The following LAMB2 variants were observed in gnomAD, a reference collection of about 807,000 sequenced individuals.
The protein encoded by LAMB2 is laminin subunit beta 2.
In LAMB2, 119 loss-of-function variants were observed where a neutral mutation model predicts 202.7. The observed-to-expected ratio is 0.59, with a 90% CI of 0.51 to 0.68. The LOEUF (loss-of-function observed/expected upper bound fraction) is 0.68. Among genes scored for constraint, LAMB2 ranks in the 30% least tolerant of loss-of-function variants. LAMB2 has a pLI of 0.00. For synonymous variants in LAMB2, 818 were observed against 902.2 expected (o/e 0.91, Z 1.67); for missense variants, 2,124 against 2,410.6 (o/e 0.88, Z 2.49).
rs1201770527 is a variant in LAMB2 at position 49,132,645 on chromosome 3, G to T, written c.95C>A (p.Ala32Glu). Reference sequence around the variant, plus strand: ...AGGCACATCCGGGGCAGGGGCCTGTGCCAGTGTGGCAGCCAGCACTGGGGA... The same window carrying T: ...AGGCACATCCGGGGCAGGGGCCTGTTCCAGTGTGGCAGCCAGCACTGGGGA... ...LLLSVLAATL[A>E]QAPAPDVPGC... Residue 32 changes from alanine (A) to glutamate (E), a missense_variant, in exon 2 of 32, where the codon GCA becomes GAA. Transcript: ENST00000305544. This position sits in a 1 kb window ranked among gnomAD's most constrained non-coding sequence, Gnocchi z 4.6. 1 of 1,614,098 alleles carries T rather than the reference G, an allele frequency of 6.2e-7. No individual in the cohort carries two copies. The highest frequency in any genetic ancestry group is 1.3e-5 in the African/African-American group (1 of 75,068).
chr3:49,132,522 G>C lies in LAMB2; in HGVS notation c.218C>G (p.Pro73Arg), dbSNP rs1131780. The part of the protein sequence containing the change: ...TASSTCGLNG[P>R]QPYCIVSHLQ... The stretch of plus-strand genomic sequence containing the variant: ...GTGACTGACGATGCAGTAGGGCTGG[G>C]GGCCATTCAGGCCACAAGTGGATGA... Residue 73 changes from proline to arginine, a missense_variant, in exon 2 of 32, where the codon CCC (proline) becomes CGC (arginine). By Grantham distance (103) the Pro-to-Arg change is moderately radical. Coordinates refer to ENST00000305544, the MANE Select transcript of LAMB2 (RefSeq NM_002292.4). The surrounding 1 kb of genome is among the most constrained non-coding windows in gnomAD (Gnocchi z 4.6). 6.2e-7 allele frequency: 1 copy of C among 1,613,764 alleles called. No homozygotes were observed. Among genetic ancestry groups the C allele is most frequent in the East Asian group, 2.2e-5 (1 of 44,890 alleles).
At chr3:49,127,117 C>T (rs2045424115) in intron 15 of LAMB2, among the ~76,000 whole-genome samples, 1 of 152,174 alleles carries the variant, frequency 6.6e-6, no homozygotes, top group Admixed American at 6.5e-5. Flanking sequence ...TCCCAAGCAG[C>T]TGGAACCACA....
In LAMB2 at chr3:49,131,646, G is replaced by A; in HGVS notation, c.537C>T (p.Ser179=). 6.2e-7 allele frequency: 1 copy of A among 1,613,784 alleles called. No individual in the cohort carries two copies. Among genetic ancestry groups the A allele is most frequent in the Middle Eastern group, 1.6e-4 (1 of 6,062 alleles). Residue 179 remains serine (S), a synonymous_variant, in exon 5 of 32, where the codon TCC becomes TCT. Transcript: ENST00000305544. The surrounding 1 kb of genome is among the most constrained non-coding windows in gnomAD (Gnocchi z 5.0). ...GRTWHVYRYF[S]YDCGADFPGV... ...CTGGGAAGTCAGCCCCACAGTCATA[G>A]GAGAAATATCGGTACACATGCCAGG...
At position 49,130,881 on chromosome 3, in the gene LAMB2, G is replaced by A. The variant is rs1297499020; in HGVS notation, c.916-21C>T. On this transcript the variant is annotated intron_variant, in intron 7 of 31. Transcript: ENST00000305544. The surrounding 1 kb of genome is among the most constrained non-coding windows in gnomAD (Gnocchi z 5.0). ...TGCACCTATAGAGGTTGGCAGGTAG[G>A]TTGTCAGCACTGCTCAGCCATGTCC... is the stretch of plus-strand genomic sequence containing the variant. 3 of 1,614,174 alleles carry A rather than the reference G, an allele frequency of 1.9e-6. No individual in the cohort carries two copies. Among genetic ancestry groups the A allele is most frequent in the East Asian group, 4.5e-5 (2 of 44,886 alleles).
At position 49,130,681 on chromosome 3, in the gene LAMB2, A is replaced by G. The variant is rs1020632704; in HGVS notation, c.1036+59T>C. ...GCTTGACCAACTAGCTCTAGGTTCT[A>G]CCCAGGGCACAGCCAGGCTGCAGAG... On this transcript the variant is annotated intron_variant, in intron 8 of 31. Transcript: ENST00000305544. The surrounding 1 kb of genome is among the most constrained non-coding windows in gnomAD (Gnocchi z 5.0). The G allele has an allele frequency of 6.8e-6, 11 of 1,609,854 alleles. No individual in the cohort carries two copies. Among genetic ancestry groups the G allele is most frequent in the Admixed American group, 5.0e-5 (3 of 59,996 alleles).
chr3:49,125,536 G>C, intron 18 of LAMB2, 52 bp from the exon 19 acceptor site: 1 of 1,437,420 alleles, frequency 7.0e-7, no homozygotes, highest in Non-Finnish European at 9.6e-7. Flanking sequence ...TCTGAGGGGA[G>C]TGTGGGTGGG....
Position 49,129,300 on chromosome 3 carries a change from C to T in LAMB2, c.1543G>A (p.Asp515Asn), listed in dbSNP as rs1255092475. 9 of 1,613,208 alleles carry T rather than the reference C, an allele frequency of 5.6e-6. No homozygotes were observed. The highest frequency in any genetic ancestry group is 3.3e-5 in the Admixed American group (2 of 59,996). ...TCACAGGGGCGGCAGCCGAGCAGGT[C>T]GTGGCTCAGGCCCCAGTGGCCAGGC... is the stretch of plus-strand genomic sequence containing the variant. ...CLPGHWGLSHDLLGCRPCDCD... is the reference protein window; with the variant it reads ...CLPGHWGLSHNLLGCRPCDCD... Residue 515 changes from aspartate to asparagine, a missense_variant, in exon 12 of 32, where the codon GAC becomes AAC. This residue lies in a region of LAMB2 where 1,702 missense variants were observed against 1,896.3 expected (regional missense o/e 0.90). Transcript: ENST00000305544. The surrounding 1 kb of genome is among the most constrained non-coding windows in gnomAD (Gnocchi z 6.1).
At position 49,124,919 on chromosome 3, in the gene LAMB2, C is replaced by T. The variant is rs774551290; in HGVS notation, c.2891G>A (p.Arg964Gln). The change falls in exon 21 of 32, where the codon CGA becomes CAA. Residue 964 changes from arginine to glutamine, a missense_variant. Arg to Gln is a conservative substitution (Grantham distance 43). Around this residue, in one of 3 missense-constraint regions of LAMB2, gnomAD observed 1,702 missense variants for 1,896.3 expected, o/e 0.90. Coordinates refer to ENST00000305544, the MANE Select transcript of LAMB2 (RefSeq NM_002292.4). Reference sequence around the variant, plus strand: ...GTGCCCAGGGGCACAAGCTTCACATCGCAGCCCTGCCCACGGTTAAGAGGA... The same window carrying T: ...GTGCCCAGGGGCACAAGCTTCACATTGCAGCCCTGCCCACGGTTAAGAGGA... Reference protein sequence around the residue: ...CHCRAGYTGLRCEACAPGHFG... With the variant: ...CHCRAGYTGLQCEACAPGHFG... 1.4e-5 allele frequency: 22 copies of T among 1,613,920 alleles called. No individual in the cohort carries two copies. In the Admixed American group the frequency reaches 2.0e-4, roughly 15 times the overall value.
At position 49,121,188 on chromosome 3, in the gene LAMB2, G is replaced by A. The variant is rs2045211628; in HGVS notation, c.*38C>T. On this transcript the variant is annotated 3_prime_UTR_variant, in exon 32 of 32. Transcript: ENST00000305544. ...CAGTGCATAGGCAGACATGCATGTGGGGCAGTGCTAGGAACTGGGGTAGGC... is the reference window on the plus strand; with the variant it reads ...CAGTGCATAGGCAGACATGCATGTGAGGCAGTGCTAGGAACTGGGGTAGGC... 2 of 1,611,094 alleles carry A rather than the reference G, an allele frequency of 1.2e-6. No individual in the cohort carries two copies. The highest frequency in any genetic ancestry group is 8.5e-7 in the Non-Finnish European group (1 of 1,179,394).
rs1257809372 is a variant in LAMB2, at chr3:49,129,809, A to T, written c.1405+30T>A. ...AGTAAGAGGACAGGGGTTAAAGGTCAGCATAGAAGTTAGGGCAGGAGACAC... is the reference window on the plus strand; with the variant it reads ...AGTAAGAGGACAGGGGTTAAAGGTCTGCATAGAAGTTAGGGCAGGAGACAC... On this transcript the variant is annotated intron_variant, in intron 10 of 31. Coordinates refer to ENST00000305544, the MANE Select transcript of LAMB2 (RefSeq NM_002292.4). The surrounding 1 kb of genome is among the most constrained non-coding windows in gnomAD (Gnocchi z 6.1). 1 of 1,613,468 alleles carries T rather than the reference A, an allele frequency of 6.2e-7. No individual in the cohort carries two copies.
rs138929892 is a variant in LAMB2, at chr3:49,131,511, C to T, written c.648+24G>A. 1 of 1,613,990 alleles carries T rather than the reference C, an allele frequency of 6.2e-7. No homozygotes were observed. Among genetic ancestry groups the T allele is most frequent in the Non-Finnish European group, 8.5e-7 (1 of 1,179,976 alleles). Reference sequence around the variant, plus strand: ...GGCCCATCATCCCCAGCTTCCAGCCCCCAGCCCAGATGCCAGCCCTCACCT... The same window carrying T: ...GGCCCATCATCCCCAGCTTCCAGCCTCCAGCCCAGATGCCAGCCCTCACCT... On this transcript the variant is annotated intron_variant, in intron 5 of 31. Transcript: ENST00000305544. This position sits in a 1 kb window ranked among gnomAD's most constrained non-coding sequence, Gnocchi z 5.0.
chr3:49,124,752 C>T lies in LAMB2; in HGVS notation c.3058G>A (p.Ala1020Thr). 1 of 1,614,218 alleles carries T rather than the reference C, an allele frequency of 6.2e-7. No individual in the cohort carries two copies. The highest frequency in any genetic ancestry group is 2.2e-5 in the East Asian group (1 of 44,882). ...CLHHTEGPHC[A>T]HCKPGFHGQA... ...CCATGGAAGCCAGGCTTGCAGTGGG[C>T]ACAGTGTGGACCCTCTGTGTGGTGT... The change falls in exon 21 of 32, where the codon GCC becomes ACC. Residue 1020 changes from alanine (A) to threonine (T), a missense_variant. Ala to Thr is a moderately conservative substitution (Grantham distance 58). Around this residue, in one of 3 missense-constraint regions of LAMB2, gnomAD observed 1,702 missense variants for 1,896.3 expected, o/e 0.90. Transcript: ENST00000305544.
At chr3:49,128,314 C>CA in intron 15 of LAMB2, 144 bp downstream of exon 15, 1 of 1,091,442 alleles carries the variant, frequency 9.2e-7, no homozygotes, top group East Asian at 2.6e-5. Flanking sequence ...CCATGCCCAA[C>CA]AGGGCCTGGC....
At position 49,131,017 on chromosome 3, in the gene LAMB2, C is replaced by G. The variant is rs1227280543; in HGVS notation, c.848G>C (p.Cys283Ser). Residue 283 changes from cysteine to serine, a missense_variant, in exon 7 of 32, where the codon TGC (cysteine) becomes TCC (serine). Cys to Ser is a moderately radical substitution (Grantham distance 112, BLOSUM62 -1). Transcript: ENST00000305544. The surrounding 1 kb of genome is among the most constrained non-coding windows in gnomAD (Gnocchi z 5.0). ...CTCTGAGGCGTGTCCGTAGCAGAAG[C>G]AGTTGCCACGTACAACCAGCTCATA... Reference protein sequence around the residue: ...ALYELVVRGNCFCYGHASECA... With the variant: ...ALYELVVRGNSFCYGHASECA... 6 of 1,614,014 alleles carry G rather than the reference C, an allele frequency of 3.7e-6. No homozygotes were observed. Among genetic ancestry groups the G allele is most frequent in the Non-Finnish European group, 5.1e-6 (6 of 1,180,028 alleles).
Position 49,131,169 on chromosome 3 carries a change from G to T in LAMB2, c.713-17C>A. 1 of 1,611,772 alleles carries T rather than the reference G, an allele frequency of 6.2e-7. No individual in the cohort carries two copies. The highest frequency in any genetic ancestry group is 8.5e-7 in the Non-Finnish European group (1 of 1,179,062). The stretch of plus-strand genomic sequence containing the variant: ...TCAACAGGTCTGAGGCGGGGGAAGG[G>T]GGGCCAACTGACCAGGCAGGCCCTT... On this transcript the variant is annotated splice_polypyrimidine_tract_variant and intron_variant, in intron 6 of 31. Transcript: ENST00000305544. The surrounding 1 kb of genome is among the most constrained non-coding windows in gnomAD (Gnocchi z 5.0).
Position 49,128,752 on chromosome 3 carries a change from A to C in LAMB2, c.1799T>G (p.Val600Gly), listed in dbSNP as rs1231217243. 1 of 1,614,150 alleles carries C rather than the reference A, an allele frequency of 6.2e-7. No homozygotes were observed. The highest frequency in any genetic ancestry group is 8.5e-7 in the Non-Finnish European group (1 of 1,180,034). ...CAGGGTCTGACCTTCCTGTAGCCGC[A>C]CGAAGCCTGAGCCAGTCCAGGATGG... Reference protein sequence around the residue: ...ETPSWTGSGFVRLQEGQTLEF... With the variant: ...ETPSWTGSGFGRLQEGQTLEF... The change falls in exon 14 of 32, where the codon GTG becomes GGG. Residue 600 changes from valine (V) to glycine (G), a missense_variant. Coordinates refer to ENST00000305544, the MANE Select transcript of LAMB2 (RefSeq NM_002292.4).
At chr3:49,127,871 C>A (rs9813135) in intron 15 of LAMB2, among the ~76,000 whole-genome samples, 3,439 of 150,768 alleles carry the variant, frequency 0.023, 142 homozygotes, top group African/African-American at 0.078. Context: ...ATACAAAAAA[C>A]TAGCTGGGCG....
intron 27 of LAMB2, 44 bp downstream of exon 27, chr3:49,122,660 C>T (rs2045347429): frequency 2.6e-6 from 4 of 1,534,756 alleles, no homozygotes; most frequent in South Asian, 1.1e-5. Flanking sequence ...CCGGGAGTTG[C>T]CAAAGGGGAC....
chr3:49,132,837 C>T lies in LAMB2; in HGVS notation c.31G>A (p.Gly11Arg), dbSNP rs148776956. The change falls in exon 1 of 32, where the codon GGA (glycine) becomes AGA (arginine). Residue 11 changes from glycine to arginine, a missense_variant. By Grantham distance (125) the Gly-to-Arg change is moderately radical. This residue lies in a region of LAMB2 where 166 missense variants were observed against 158.2 expected (regional missense o/e 1.05). Transcript: ENST00000305544. This position sits in a 1 kb window ranked among gnomAD's most constrained non-coding sequence, Gnocchi z 4.6. ...CGAAGTTCCCAGGGCAGAGGCTGTC[C>T]CCTCCCTCTTTCCCTTGAGGTCAGC... MELTSRERGR[G>R]QPLPWELRLG... The T allele has an allele frequency of 6.2e-7, 1 of 1,614,012 alleles. No individual in the cohort carries two copies. Among genetic ancestry groups the T allele is most frequent in the African/African-American group, 1.3e-5 (1 of 74,924 alleles).
Sources: allele counts gnomAD v4.1 joint callset (sites outside exome capture counted in the v4.1 genomes callset), GRCh38; gene constraint gnomAD v4.1.1; regional missense constraint gnomAD v4.1.1; non-coding constraint Gnocchi (gnomAD v3.1); transcripts MANE v1.5; gene names NCBI Gene and HGNC (gene_info 2026-07-23, HGNC 2026-07-21).